GPC5: variants seen among roughly 807,000 people sequenced by gnomAD.
GPC5 encodes the protein glypican-5.
GPC5 carries 47 observed loss-of-function variants against 53.9 expected under a neutral mutation model. The observed-to-expected ratio is 0.87, with a 90% CI of 0.69 to 1.11. GPC5 has a LOEUF of 1.11. GPC5 is among the 50% of genes most tolerant of loss of function. The pLI, the probability that GPC5 is intolerant of heterozygous loss-of-function variation, is 0.00. For missense variants in GPC5, 748 were observed against 713.1 expected, an observed-to-expected ratio of 1.05 and a Z score of -0.56; for synonymous variants, 286 against 263.3, an observed-to-expected ratio of 1.09 and a Z score of -0.84.
intron 3 of GPC5, among the ~76,000 whole-genome samples, chr13:91,701,572 T>C (rs1181261952): frequency 2.0e-5 from 3 of 151,772 alleles, no homozygotes; most frequent in African/African-American, 7.3e-5. Context: ...TGTGTGTGTG[T>C]TTGTGTTTGT....
At chr13:91,680,509 C>T (rs1052931432) in intron 2 of GPC5, among the ~76,000 whole-genome samples, 22 of 152,056 alleles carry the variant, frequency 1.4e-4, no homozygotes, top group Non-Finnish European at 2.9e-5. Flanking sequence ...ATCTGCATAA[C>T]TTATGAACTA....
intron 7 of GPC5, among the ~76,000 whole-genome samples, chr13:92,380,497 T>C (rs2043729814): frequency 6.6e-6 from 1 of 152,026 alleles, no homozygotes; most frequent in African/African-American, 2.4e-5. Flanking sequence ...TGCATGTTTG[T>C]GGCACTATTC....
At chr13:92,421,949 C>A (rs1252746651) in intron 7 of GPC5, among the ~76,000 whole-genome samples, 1 of 152,044 alleles carries the variant, frequency 6.6e-6, no homozygotes, top group Non-Finnish European at 1.5e-5. Context: ...CCTCAGCATT[C>A]TCTCAGTATT....
intron 5 of GPC5, among the ~76,000 whole-genome samples, chr13:91,870,233 C>T (rs964693345): frequency 2.0e-5 from 3 of 152,132 alleles, no homozygotes; most frequent in African/African-American, 7.2e-5. Flanking sequence ...CTCCCTTATG[C>T]ACCGTAGAGT....
At chr13:91,432,207 GTGTGT>G (rs1409366014) in intron 1 of GPC5, among the ~76,000 whole-genome samples, 29,982 of 119,444 alleles carry the variant, frequency 0.25, 3,283 homozygotes, top group Admixed American at 0.32. Flanking sequence ...CTGCTGCTGT[GTGTGT>G]GTGTGTGTGT....
chr13:92,737,392 C>A (rs1594466500), intron 7 of GPC5, among the ~76,000 whole-genome samples: 2 of 152,012 alleles, frequency 1.3e-5, no homozygotes, highest in Non-Finnish European at 2.9e-5. Context: ...CACACTAATT[C>A]TAGCCAAAGA....
intron 5 of GPC5, among the ~76,000 whole-genome samples, chr13:91,847,686 C>G (rs2038867800): frequency 6.6e-6 from 1 of 152,078 alleles, no homozygotes; most frequent in Non-Finnish European, 1.5e-5. Flanking sequence ...GGAAGAGACA[C>G]CAGATTATTT....
In GPC5 at chr13:91,709,932, A is replaced by G. The variant is rs997301119; in HGVS notation, c.1020+16051A>G. Reference sequence around the variant, plus strand: ...TCTGAAAAAATACAAGCCCCATAGCATGGTGTAAAGTTCCCTTTGTAGCGA... The same window carrying G: ...TCTGAAAAAATACAAGCCCCATAGCGTGGTGTAAAGTTCCCTTTGTAGCGA... On this transcript the variant is annotated intron_variant, in intron 3 of 7. Transcript: ENST00000377067. 3.9e-5 allele frequency among the ~76,000 whole-genome samples: 6 copies of G among 152,192 alleles called. No homozygotes were observed. In the South Asian group the frequency reaches 6.2e-4, roughly 16 times the overall value.
At chr13:92,131,079 A>G (rs1434506756) in intron 6 of GPC5, among the ~76,000 whole-genome samples, 3 of 151,976 alleles carry the variant, frequency 2.0e-5, no homozygotes, top group Non-Finnish European at 2.9e-5. Context: ...TTAAAAACCT[A>G]AAAGCCTAAG....
At chr13:91,941,336 TG>T (rs1477749529) in intron 6 of GPC5, among the ~76,000 whole-genome samples, 1 of 152,172 alleles carries the variant, frequency 6.6e-6, no homozygotes, top group Non-Finnish European at 1.5e-5. Context: ...ATGTAGGCTC[TG>T]GGCTTTTTTA....
At chr13:92,563,388 C>T (rs1306821374) in intron 7 of GPC5, among the ~76,000 whole-genome samples, 1 of 151,804 alleles carries the variant, frequency 6.6e-6, no homozygotes, top group Non-Finnish European at 1.5e-5. Context: ...AAAAGAGATC[C>T]AAAGGCCATT....
intron 4 of GPC5, among the ~76,000 whole-genome samples, chr13:91,744,092 C>A (rs2036996208): frequency 6.6e-6 from 1 of 152,026 alleles, no homozygotes; most frequent in Admixed American, 6.6e-5. Context: ...TTATAGTCTT[C>A]AATGTATTGG....
intron 7 of GPC5, among the ~76,000 whole-genome samples, chr13:92,341,533 GA>G (rs993292794): frequency 2.0e-5 from 3 of 151,990 alleles, no homozygotes; most frequent in Admixed American, 6.6e-5. Flanking sequence ...TTGTTTTACA[GA>G]AAAAAATGTA....
chr13:92,434,248 A>T (rs1212288578), intron 7 of GPC5, among the ~76,000 whole-genome samples: 1 of 152,180 alleles, frequency 6.6e-6, no homozygotes, highest in Non-Finnish European at 1.5e-5. Context: ...GTACTGGTAG[A>T]TAAAAACAAT....
chr13:92,509,430 T>TGACACACCTCTC (rs1161516829), intron 7 of GPC5: 1 of 152,222 alleles, frequency 6.6e-6, no homozygotes, highest in Non-Finnish European at 1.5e-5. Context: ...CATCACCTCT[T>TGACACACCTCTC]GACACACCTC....
chr13:92,328,489 G>T (rs370732683), intron 7 of GPC5, among the ~76,000 whole-genome samples: 29 of 152,258 alleles, frequency 1.9e-4, no homozygotes, highest in African/African-American at 5.8e-4. Context: ...GGTCTTAGAC[G>T]TAGAGGAATA....
intron 5 of GPC5, among the ~76,000 whole-genome samples, chr13:91,863,828 A>G (rs2039056435): frequency 1.3e-5 from 2 of 152,122 alleles, no homozygotes; most frequent in Admixed American, 1.3e-4. Context: ...CTCCCCTTTT[A>G]ATGATTAATG....
intron 5 of GPC5, among the ~76,000 whole-genome samples, chr13:91,788,499 G>C (rs900176127): frequency 1.3e-5 from 2 of 152,136 alleles, no homozygotes; most frequent in African/African-American, 4.8e-5. Context: ...TTTCAATGTA[G>C]CTAATTTGGA....
intron 2 of GPC5, among the ~76,000 whole-genome samples, chr13:91,510,246 T>G (rs960282921): frequency 3.9e-5 from 6 of 152,168 alleles, no homozygotes; most frequent in Non-Finnish European, 8.8e-5. Flanking sequence ...ATTGTGTGTA[T>G]TTTGTGTAAG....
Sources: gnomAD v4.1 joint callset for allele counts (sites outside exome capture counted in the v4.1 genomes callset) on GRCh38, gnomAD v4.1.1 for gene constraint, MANE v1.5 for transcripts, NCBI Gene and HGNC (gene_info 2026-07-23, HGNC 2026-07-21) for gene names.